Variants in DERA observed in about 807,000 individuals in gnomAD.
DERA encodes deoxyribose-phosphate aldolase, also known as 2-deoxy-D-ribose 5-phosphate aldolase.
In DERA, 15 loss-of-function variants were observed where a neutral mutation model predicts 41.1. The observed-to-expected ratio is 0.37, with a 90% CI of 0.24 to 0.56. The LOEUF (loss-of-function observed/expected upper bound fraction) is 0.56. Ranked by LOEUF, DERA falls within the 20% of genes least tolerant of loss-of-function variation. DERA has a pLI of 0.81. For missense variants in DERA, 396 were observed against 403.4 expected (o/e 0.98, Z 0.16); for synonymous variants, 139 against 137.4 (o/e 1.01, Z -0.08).
At chr12:15,955,161 G>A (rs751232617) in intron 1 of DERA, among the ~76,000 whole-genome samples, 18 of 152,176 alleles carry the variant, frequency 1.2e-4, no homozygotes, top group South Asian at 2.1e-4. Context: ...TTAGCCTGGC[G>A]TGGTGGCGCA....
At position 15,941,458 on chromosome 12, in the gene DERA, T is replaced by C. The variant is rs772983319; in HGVS notation, c.32-15478T>C. Among the ~76,000 whole-genome samples the C allele has an allele frequency of 8.5e-5, 13 of 152,276 alleles. No individual in the cohort carries two copies. The highest frequency in any genetic ancestry group is 6.5e-4 in the Admixed American group (10 of 15,292). On this transcript the variant is annotated intron_variant, in intron 1 of 8. Coordinates refer to ENST00000428559, the MANE Select transcript of DERA (RefSeq NM_015954.4). This position sits in a 1 kb window ranked among gnomAD's most constrained non-coding sequence, Gnocchi z 4.5. ...AGTTCTTTAGTGGTGATTTCTGAGA[T>C]TTTAGTGTACCCATCACCCTAGCAA...
chr12:15,911,582 AC>A lies in DERA; in HGVS notation c.31+171del. 1.3e-6 allele frequency: 1 copy of A among 741,148 alleles called. No homozygotes were observed. Among genetic ancestry groups the A allele is most frequent in the Middle Eastern group, 2.3e-4 (1 of 4,348 alleles). The allele number at this position is 741,148 out of a possible 1,614,324, so 45.9% of individuals were successfully genotyped here. A position where few individuals can be genotyped will look rare whatever the true frequency, so the allele number is the denominator to read the frequency against. ...AGCCCTCACCCCAAGTAAAGGCCGA[AC>A]CCGGCACGTTCGCGCCGCTTGTCTT... On this transcript the variant is annotated intron_variant, in intron 1 of 8. Transcript: ENST00000428559. This position sits in a 1 kb window ranked among gnomAD's most constrained non-coding sequence, Gnocchi z 4.5.
At position 15,959,456 on chromosome 12, in the gene DERA, G is replaced by T. The variant is rs183839572; in HGVS notation, c.278-373G>T. On this transcript the variant is annotated intron_variant, in intron 3 of 8. Coordinates refer to ENST00000428559, the MANE Select transcript of DERA (RefSeq NM_015954.4). The surrounding 1 kb of genome is among the most constrained non-coding windows in gnomAD (Gnocchi z 4.5). ...GTCTTCATCTGTCCTTCTTCAAACT[G>T]TCCTTTCTTCAGGTATGTCCTATGT... Among the ~76,000 whole-genome samples the T allele has an allele frequency of 6.6e-6, 1 of 152,128 alleles. No individual in the cohort carries two copies. The highest frequency in any genetic ancestry group is 6.5e-5 in the Admixed American group (1 of 15,278).
In DERA at chr12:15,982,351, G is replaced by A. The variant is rs543270874; in HGVS notation, c.552G>A (p.Glu184=). ...GTCAGTTTCGCAAGGCCTGTGGGGA[G>A]GCTCATCTTAAAACTATATTAGCGA... ...EIRQFRKACG[E]AHLKTILATG... The change falls in exon 6 of 9, where the codon GAG becomes GAA. Residue 184 remains glutamate, a synonymous_variant. Transcript: ENST00000428559. The surrounding 1 kb of genome is among the most constrained non-coding windows in gnomAD (Gnocchi z 4.0). The A allele has an allele frequency of 4.3e-6, 7 of 1,613,852 alleles. No homozygotes were observed. In the African/African-American group the frequency reaches 8.0e-5, roughly 18 times the overall value.
At chr12:15,987,778 T>C (rs749302454) in intron 6 of DERA, among the ~76,000 whole-genome samples, 1 of 152,108 alleles carries the variant, frequency 6.6e-6, no homozygotes, top group Non-Finnish European at 1.5e-5. Context: ...TCCGTGCACT[T>C]CTGCTTGAGT....
In DERA at chr12:15,957,555, C is replaced by T. The variant is rs1437623005; in HGVS notation, c.129+522C>T. Among the ~76,000 whole-genome samples the T allele has an allele frequency of 6.6e-6, 1 of 152,122 alleles. No homozygotes were observed. The highest frequency in any genetic ancestry group is 1.5e-5 in the Non-Finnish European group (1 of 68,032). ...TCAGTGTATCCCAACCAAAGACGTG[C>T]TGTGTAGGATTAAAGGGAATTCAGA... is the stretch of plus-strand genomic sequence containing the variant. On this transcript the variant is annotated intron_variant, in intron 2 of 8. Transcript: ENST00000428559. The surrounding 1 kb of genome is among the most constrained non-coding windows in gnomAD (Gnocchi z 4.8).
In DERA at chr12:16,014,220, G is replaced by A. The variant is rs552345426; in HGVS notation, c.638-18322G>A. Reference sequence around the variant, plus strand: ...AGATGCAGAAATTTGCATAAGTAACGAGGAGCCAAATGTTAATCACCAAGA... The same window carrying A: ...AGATGCAGAAATTTGCATAAGTAACAAGGAGCCAAATGTTAATCACCAAGA... On this transcript the variant is annotated intron_variant, in intron 6 of 8. Coordinates refer to ENST00000428559, the MANE Select transcript of DERA (RefSeq NM_015954.4). The surrounding 1 kb of genome is among the most constrained non-coding windows in gnomAD (Gnocchi z 5.4). Among the ~76,000 whole-genome samples the A allele has an allele frequency of 2.6e-5, 4 of 152,264 alleles. No individual in the cohort carries two copies. Among genetic ancestry groups the A allele is most frequent in the Non-Finnish European group, 4.4e-5 (3 of 68,018 alleles).
Position 15,965,237 on chromosome 12 carries a change from T to A in DERA, c.508+2290T>A, listed in dbSNP as rs1400137285. Among the ~76,000 whole-genome samples, 1 of 152,146 alleles carries A rather than the reference T, an allele frequency of 6.6e-6. No individual in the cohort carries two copies. Among genetic ancestry groups the A allele is most frequent in the Non-Finnish European group, 1.5e-5 (1 of 68,016 alleles). On this transcript the variant is annotated intron_variant, in intron 5 of 8. Transcript: ENST00000428559. The surrounding 1 kb of genome is among the most constrained non-coding windows in gnomAD (Gnocchi z 4.1). ...AATTGCAGTTTTAAATCCAGGGCCC[T>A]CTCCCTTGTGCAGTGAGGTTTGTAG...
At chr12:15,947,989 T>C (rs1157663015) in intron 1 of DERA, among the ~76,000 whole-genome samples, 1 of 152,248 alleles carries the variant, frequency 6.6e-6, no homozygotes, top group Non-Finnish European at 1.5e-5. Context: ...TATGAAATTC[T>C]GGGTTGAAAA....
Position 15,911,804 on chromosome 12 carries a change from G to C in DERA, c.31+390G>C. The C allele has an allele frequency of 2.0e-6, 1 of 492,172 alleles. No homozygotes were observed. Among genetic ancestry groups the C allele is most frequent in the Non-Finnish European group, 4.0e-6 (1 of 251,556 alleles). 30.5% of individuals were successfully genotyped at this position (492,172 alleles called of 1,614,324 possible). A position where few individuals can be genotyped will look rare whatever the true frequency, so the allele number is the denominator to read the frequency against. On this transcript the variant is annotated intron_variant, in intron 1 of 8. Coordinates refer to ENST00000428559, the MANE Select transcript of DERA (RefSeq NM_015954.4). The surrounding 1 kb of genome is among the most constrained non-coding windows in gnomAD (Gnocchi z 4.5). ...CTCCTCCTTTTAATAGAATACTTGT[G>C]TAATTTAATGCAGTATTTCCGTAGA...
At position 15,972,603 on chromosome 12, in the gene DERA, G is replaced by T; in HGVS notation, c.508+9656G>T. The T allele has an allele frequency of 5.6e-6, 1 of 180,064 alleles. No individual in the cohort carries two copies. Among genetic ancestry groups the T allele is most frequent in the Non-Finnish European group, 1.2e-5 (1 of 82,516 alleles). The allele number at this position is 180,064 out of a possible 1,614,324, so 11.2% of individuals were successfully genotyped here. A position where few individuals can be genotyped will look rare whatever the true frequency, so the allele number is the denominator to read the frequency against. ...AATTCCTGCCTCATGATGTGTCCCA[G>T]GGGCATTTCACGCATAGTGCAGAAG... On this transcript the variant is annotated intron_variant, in intron 5 of 8. Transcript: ENST00000428559. The surrounding 1 kb of genome is among the most constrained non-coding windows in gnomAD (Gnocchi z 4.4).
At chr12:15,987,230 CTTTTTTT>C (rs995016192) in intron 6 of DERA, among the ~76,000 whole-genome samples, 4 of 85,350 alleles carry the variant, frequency 4.7e-5, no homozygotes, top group African/African-American at 1.8e-4. Flanking sequence ...TATATATGTA[CTTTTTTT>C]TTTTTTTTTT....
Position 15,913,656 on chromosome 12 carries a change from A to G in DERA, c.31+2242A>G, listed in dbSNP as rs1031418607. The stretch of plus-strand genomic sequence containing the variant: ...TTTATGATTTGGTGTATGTACTTCT[A>G]GTTCATGGACTTAAAAAAACATTGA... On this transcript the variant is annotated intron_variant, in intron 1 of 8. Coordinates refer to ENST00000428559, the MANE Select transcript of DERA (RefSeq NM_015954.4). The surrounding 1 kb of genome is among the most constrained non-coding windows in gnomAD (Gnocchi z 4.5). Among the ~76,000 whole-genome samples, 3 of 152,162 alleles carry G rather than the reference A, an allele frequency of 2.0e-5. No individual in the cohort carries two copies. Among genetic ancestry groups the G allele is most frequent in the Non-Finnish European group, 4.4e-5 (3 of 68,032 alleles).
rs952575569 is a variant in DERA, at chr12:16,017,590, G to T, written c.638-14952G>T. On this transcript the variant is annotated intron_variant, in intron 6 of 8. Transcript: ENST00000428559. The surrounding 1 kb of genome is among the most constrained non-coding windows in gnomAD (Gnocchi z 5.5). ...ATGTACTCTGGCCAGTGCTTCAACC[G>T]TAACACTGCATCTTTATTATATTGC... 6.6e-6 allele frequency among the ~76,000 whole-genome samples: 1 copy of T among 152,118 alleles called. No individual in the cohort carries two copies. Among genetic ancestry groups the T allele is most frequent in the Non-Finnish European group, 1.5e-5 (1 of 68,018 alleles).
Position 15,911,367 on chromosome 12 carries a change from C to A in DERA, c.-17C>A. 7.1e-7 allele frequency: 1 copy of A among 1,411,990 alleles called. No individual in the cohort carries two copies. Among genetic ancestry groups the A allele is most frequent in the Non-Finnish European group, 9.1e-7 (1 of 1,096,286 alleles). 87.5% of individuals were successfully genotyped at this position (1,411,990 alleles called of 1,614,324 possible). A position where few individuals can be genotyped will look rare whatever the true frequency, so the allele number is the denominator to read the frequency against. On this transcript the variant is annotated 5_prime_UTR_variant, in exon 1 of 9. Coordinates refer to ENST00000428559, the MANE Select transcript of DERA (RefSeq NM_015954.4). This position sits in a 1 kb window ranked among gnomAD's most constrained non-coding sequence, Gnocchi z 4.5. ...GGCGGGCGCCTACCAGCCGGCAGCTCCGGAGCTGCCCGCGCCATGTCCGCG... is the reference window on the plus strand; with the variant it reads ...GGCGGGCGCCTACCAGCCGGCAGCTACGGAGCTGCCCGCGCCATGTCCGCG...
chr12:16,016,684 TGGAGG>T (rs1948984343), intron 6 of DERA, among the ~76,000 whole-genome samples: 1 of 144,128 alleles, frequency 6.9e-6, no homozygotes, highest in Non-Finnish European at 1.5e-5. Context: ...CCCAGCTACG[TGGAGG>T]GCTGAGGCAA....
intron 1 of DERA, among the ~76,000 whole-genome samples, chr12:15,947,154 G>T (rs922364122): frequency 6.6e-6 from 1 of 152,190 alleles, no homozygotes; most frequent in African/African-American, 2.4e-5. Flanking sequence ...GAATAAGTGT[G>T]ATATGGTGCT....
At chr12:15,934,023 G>C (rs765266981) in intron 1 of DERA, among the ~76,000 whole-genome samples, 1 of 152,134 alleles carries the variant, frequency 6.6e-6, no homozygotes, top group Non-Finnish European at 1.5e-5. Flanking sequence ...ACATCAAGTT[G>C]GTTGTACTAG....
chr12:16,008,923 T>C lies in DERA; in HGVS notation c.638-23619T>C, dbSNP rs1198499878. Among the ~76,000 whole-genome samples the C allele has an allele frequency of 2.0e-5, 3 of 152,262 alleles. No individual in the cohort carries two copies. The highest frequency in any genetic ancestry group is 4.1e-4 in the South Asian group (2 of 4,828). ...TGATAAGGTAGAAACTGCAAAACAATAGCTGGTCTGATGTAGAGGCAGAAG... is the reference window on the plus strand; with the variant it reads ...TGATAAGGTAGAAACTGCAAAACAACAGCTGGTCTGATGTAGAGGCAGAAG... On this transcript the variant is annotated intron_variant, in intron 6 of 8. Coordinates refer to ENST00000428559, the MANE Select transcript of DERA (RefSeq NM_015954.4). The surrounding 1 kb of genome is among the most constrained non-coding windows in gnomAD (Gnocchi z 4.8).
Sources: gnomAD v4.1 joint callset for allele counts (sites outside exome capture counted in the v4.1 genomes callset) on GRCh38, gnomAD v4.1.1 for gene constraint, Gnocchi (gnomAD v3.1) non-coding constraint, MANE v1.5 for transcripts, NCBI Gene and HGNC (gene_info 2026-07-23, HGNC 2026-07-21) for gene names.